Variants in GGA2 observed in about 807,000 individuals in gnomAD.
The protein encoded by GGA2 is golgi associated, gamma adaptin ear containing, ARF binding protein 2, also known as ADP-ribosylation factor-binding protein GGA2.
A neutral mutation model predicts 79.5 loss-of-function variants in GGA2; 48 were observed. The observed-to-expected ratio is 0.60, with a 90% confidence interval of 0.48 to 0.77. The LOEUF is 0.77. GGA2 is among the 30% of genes least tolerant of loss of function. The pLI, the probability that GGA2 is intolerant of heterozygous loss-of-function variation, is 0.00. For synonymous variants in GGA2, 317 were observed against 302.0 expected (o/e 1.05, Z -0.51); for missense variants, 770 against 774.0 (o/e 0.99, Z 0.06).
intron 14 of GGA2, among the ~76,000 whole-genome samples, chr16:23,473,833 G>C (rs1326481818): frequency 6.6e-6 from 1 of 152,068 alleles, no homozygotes; most frequent in Non-Finnish European, 1.5e-5. Flanking sequence ...AATTAACATT[G>C]AACATGTATT....
chr16:23,494,486 A>C (rs990675349), intron 2 of GGA2, 108 bp from the exon 3 acceptor site: 15 of 798,520 alleles, frequency 1.9e-5, no homozygotes, highest in Non-Finnish European at 2.9e-5. Context: ...TGGTGTCCAA[A>C]AGCAGAGGTG....
rs2142107028 is a variant in GGA2 at position 23,464,003 on chromosome 16, C to T, written c.*3587G>A. ...CAAACCCACTTTTATACTCTTGACG[C>T]TGGGTAAGCATCTTCTATAATGGGT... On this transcript the variant is annotated 3_prime_UTR_variant, in exon 17 of 17. Coordinates refer to ENST00000309859, the MANE Select transcript of GGA2 (RefSeq NM_015044.4). 1 of 152,292 alleles carries T rather than the reference C, an allele frequency of 6.6e-6. No individual in the cohort carries two copies. Among genetic ancestry groups the T allele is most frequent in the African/African-American group, 2.4e-5 (1 of 41,554 alleles). The allele number at this position is 152,292 out of a possible 1,614,324, so 9.4% of individuals were successfully genotyped here.
chr16:23,491,630 T>C (rs1198320303), intron 5 of GGA2, 47 bp downstream of exon 5: 1 of 1,583,680 alleles, frequency 6.3e-7, no homozygotes, highest in African/African-American at 1.4e-5. Flanking sequence ...AGCAAGAAGA[T>C]ACAGGCCTAG....
chr16:23,486,552 C>T (rs1022580639), intron 7 of GGA2, among the ~76,000 whole-genome samples, 158 bp downstream of exon 7: 4 of 152,174 alleles, frequency 2.6e-5, no homozygotes, highest in Non-Finnish European at 5.9e-5. Flanking sequence ...CCTTGCTGCC[C>T]TTGAGGGAGA....
At position 23,509,975 on chromosome 16, in the gene GGA2, AG is replaced by A. The variant is rs548267871; in HGVS notation, c.91+345del. Among the ~76,000 whole-genome samples, 250 of 151,528 alleles carry A rather than the reference AG, an allele frequency of 1.6e-3. 2 individuals are homozygous for A. Among genetic ancestry groups the A allele is most frequent in the African/African-American group, 5.9e-3 (243 of 41,342 alleles). ...TAGAAGCCAGCTCGGGGTGGGAATG[AG>A]GATTAAGCAGGACTAAGCCGCTGTG... On this transcript the variant is annotated intron_variant, in intron 1 of 16. Transcript: ENST00000309859.
At chr16:23,491,572 T>G in intron 5 of GGA2, 105 bp downstream of exon 5, 1 of 855,836 alleles carries the variant, frequency 1.2e-6, no homozygotes, top group Non-Finnish European at 1.8e-6. Context: ...TCTATGGTCC[T>G]ACATAAGAAG....
chr16:23,476,369 C>G (rs1014809103), intron 13 of GGA2, among the ~76,000 whole-genome samples: 1 of 152,148 alleles, frequency 6.6e-6, no homozygotes, highest in Non-Finnish European at 1.5e-5. Flanking sequence ...TGAAGGTAAG[C>G]TGCACTTTTC....
Position 23,479,905 on chromosome 16 carries a change from AG to A in GGA2, c.1007-19del. On this transcript the variant is annotated intron_variant, in intron 10 of 16. Coordinates refer to ENST00000309859, the MANE Select transcript of GGA2 (RefSeq NM_015044.4). ...CTGAAAGACTAGAAAGCCCAGGGTTAGGAAGAGAAGTCAGTTGGACATGAGA... is the reference window on the plus strand; with the variant it reads ...CTGAAAGACTAGAAAGCCCAGGGTTAGAAGAGAAGTCAGTTGGACATGAGA... 1 of 1,613,316 alleles carries A rather than the reference AG, an allele frequency of 6.2e-7. No homozygotes were observed.
rs566761111 is a variant in GGA2, at chr16:23,519,589, T to C, written c.59A>G (p.Glu20Gly). 3.3e-5 allele frequency: 14 copies of C among 417,958 alleles called. No individual in the cohort carries two copies. The East Asian group carries it at 1.2e-3, about 37-fold the overall frequency. The allele number at this position is 417,958 out of a possible 1,614,324, so 25.9% of individuals were successfully genotyped here. ...GTAGGAGAAGAGAGATGATTTACCT[T>C]CAGGGCTAGGGCAGCTGTTGGCCAA... The change falls in exon 2 of 6, where the codon GAA (glutamate) becomes GGA (glycine). Residue 20 changes from glutamate (E) to glycine (G), a missense_variant and splice_region_variant. Physicochemically the swap from Glu to Gly is moderately conservative, Grantham distance 98. Transcript: ENST00000569300.
intron 2 of GGA2, among the ~76,000 whole-genome samples, chr16:23,518,794 A>G (rs1965117979): frequency 6.6e-6 from 1 of 152,200 alleles, no homozygotes; most frequent in South Asian, 2.1e-4. Flanking sequence ...GTCCTCAAAC[A>G]CTTTTTCATC....
chr16:23,477,882 T>A (rs2142118804), intron 13 of GGA2, among the ~76,000 whole-genome samples: 1 of 152,266 alleles, frequency 6.6e-6, no homozygotes, highest in East Asian at 1.9e-4. Flanking sequence ...TATGTCTTTA[T>A]CAGCAGTGTG....
intron 8 of GGA2, 29 bp downstream of exon 8, chr16:23,485,986 T>C (rs758867208): frequency 6.2e-7 from 1 of 1,606,814 alleles, no homozygotes; most frequent in Non-Finnish European, 8.5e-7. Flanking sequence ...AGTAAACATG[T>C]GCAGCCCCCT....
At chr16:23,495,450 T>C (rs1320373465) in intron 2 of GGA2, 3 of 321,286 alleles carry the variant, frequency 9.3e-6, no homozygotes, top group Non-Finnish European at 1.1e-5. Context: ...AGAGAATGAA[T>C]GCCAGCCTGA....
Position 23,467,714 on chromosome 16 carries a change from G to C in GGA2, c.1732-14C>G, listed in dbSNP as rs750283251. The C allele has an allele frequency of 4.5e-6, 6 of 1,325,456 alleles. No homozygotes were observed. The highest frequency in any genetic ancestry group is 6.5e-6 in the Non-Finnish European group (6 of 916,874). The allele number at this position is 1,325,456 out of a possible 1,614,324, so 82.1% of individuals were successfully genotyped here. On this transcript the variant is annotated splice_polypyrimidine_tract_variant and intron_variant, in intron 16 of 16. Transcript: ENST00000309859. ...GCGGATAGGTTCCTGGGACAGAAGA[G>C]ACAGAAGATGTCAAATCAGTGGAGA...
chr16:23,511,272 C>T (rs1436972374), upstream of GGA2, among the ~76,000 whole-genome samples: 1 of 147,108 alleles, frequency 6.8e-6, no homozygotes, highest in Non-Finnish European at 1.5e-5. Context: ...CCTGCCTCAG[C>T]GTCCCGAGTA....
chr16:23,483,646 T>G (rs898397671), intron 8 of GGA2, among the ~76,000 whole-genome samples: 1 of 151,838 alleles, frequency 6.6e-6, no homozygotes, highest in Non-Finnish European at 1.5e-5. Flanking sequence ...TGATTGTTTG[T>G]TTTTTTGGTT....
At position 23,464,896 on chromosome 16, in the gene GGA2, A is replaced by C; in HGVS notation, c.*2694T>G. On this transcript the variant is annotated 3_prime_UTR_variant, in exon 17 of 17. Transcript: ENST00000309859. ...CCTAATGGTTTAGAGCCACCTGACT[A>C]CCAGGCCTGTGTGTGGACGGGAAAG... 5.6e-6 allele frequency: 1 copy of C among 179,452 alleles called. No homozygotes were observed. The highest frequency in any genetic ancestry group is 1.2e-5 in the Non-Finnish European group (1 of 83,568). 11.1% of individuals were successfully genotyped at this position (179,452 alleles called of 1,614,324 possible).
intron 2 of GGA2, among the ~76,000 whole-genome samples, chr16:23,516,868 C>T (rs1209657618): frequency 6.6e-6 from 1 of 152,114 alleles, no homozygotes; most frequent in Non-Finnish European, 1.5e-5. Flanking sequence ...CATAGAAAGC[C>T]ACCCTCTCCC....
Position 23,470,019 on chromosome 16 carries a change from T to C in GGA2, c.1597A>G (p.Met533Val), listed in dbSNP as rs765246769. 3.2e-6 allele frequency: 5 copies of C among 1,568,494 alleles called. No individual in the cohort carries two copies. The highest frequency in any genetic ancestry group is 1.9e-5 in the Admixed American group (1 of 52,872). ...STAPQPVWDIMFQVAVPKSMR... is the reference protein window; with the variant it reads ...STAPQPVWDIVFQVAVPKSMR... ...ACCTTTGGCACAGCCACTTGAAACATGATATCCCAGACAGGCTGGGGAGCC... is the reference window on the plus strand; with the variant it reads ...ACCTTTGGCACAGCCACTTGAAACACGATATCCCAGACAGGCTGGGGAGCC... The change falls in exon 15 of 17, where the codon ATG becomes GTG. Residue 533 changes from methionine (M) to valine (V), a missense_variant. Met to Val is a conservative substitution (Grantham distance 21). Transcript: ENST00000309859.
Sources: gnomAD v4.1 joint callset for allele counts (sites outside exome capture counted in the v4.1 genomes callset) on GRCh38, gnomAD v4.1.1 for gene constraint, MANE v1.5 for transcripts, NCBI Gene and HGNC (gene_info 2026-07-23, HGNC 2026-07-21) for gene names.